Variants in ODAD4 observed in about 807,000 individuals in gnomAD.
The protein encoded by ODAD4 is outer dynein arm docking complex subunit 4, also known as outer dynein arm-docking complex subunit 4.
Under a neutral mutation model 51.8 loss-of-function variants are expected in ODAD4, and 49 were observed. The ratio of observed to expected loss-of-function variants is 0.95; its 90% confidence interval spans 0.75 to 1.20. ODAD4 has a LOEUF of 1.20. Among genes scored for constraint, ODAD4 ranks in the 50% most tolerant of loss-of-function variants. The pLI, the probability that ODAD4 is intolerant of heterozygous loss-of-function variation, is 0.00. For synonymous variants in ODAD4, 235 were observed against 221.3 expected, an observed-to-expected ratio of 1.06 and a Z score of -0.55; for missense variants, 590 against 586.5, an observed-to-expected ratio of 1.01 and a Z score of -0.06.
Position 41,939,094 on chromosome 17 carries a change from G to C in ODAD4, c.980G>C (p.Gly327Ala). The C allele has an allele frequency of 6.2e-7, 1 of 1,613,932 alleles. No homozygotes were observed. The highest frequency in any genetic ancestry group is 8.5e-7 in the Non-Finnish European group (1 of 1,179,862). The change falls in exon 7 of 12, where the codon GGG becomes GCG. Residue 327 changes from glycine (G) to alanine (A), a missense_variant. Coordinates refer to ENST00000377540, the MANE Select transcript of ODAD4 (RefSeq NM_031421.5). ...ELVGNLYSCI[G>A]NAQIELGQME... ...GTTGGAAACTTGTATAGCTGCATAG[G>C]GAATGCCCAGATTGAGCTGGGGCAG...
intron 9 of ODAD4, among the ~76,000 whole-genome samples, chr17:41,954,389 T>C (rs369586796): frequency 1.4e-4 from 21 of 152,210 alleles, no homozygotes; most frequent in East Asian, 9.6e-4. Flanking sequence ...CCAGCACTAA[T>C]TGGCACGGAG....
At chr17:41,948,297 C>A (rs1003335338) in intron 8 of ODAD4, among the ~76,000 whole-genome samples, 3 of 146,690 alleles carry the variant, frequency 2.0e-5, no homozygotes, top group East Asian at 2.0e-4. Context: ...CTCATATATT[C>A]TTAGTAATTT....
chr17:41,962,704 C>G (rs550497163), intron 11 of ODAD4, among the ~76,000 whole-genome samples: 1 of 152,204 alleles, frequency 6.6e-6, no homozygotes, highest in South Asian at 2.1e-4. Context: ...CTAGAACCCA[C>G]GCGTCGGCCC....
intron 10 of ODAD4, among the ~76,000 whole-genome samples, chr17:41,961,149 A>G (rs1225717354): frequency 1.3e-5 from 2 of 152,216 alleles, no homozygotes; most frequent in African/African-American, 4.8e-5. Flanking sequence ...TAAGCCAAAG[A>G]GAAATGCATT....
chr17:41,941,596 T>C (rs1555638698), intron 7 of ODAD4, among the ~76,000 whole-genome samples: 1 of 152,020 alleles, frequency 6.6e-6, no homozygotes, highest in Non-Finnish European at 1.5e-5. Flanking sequence ...ACCCCATCTC[T>C]ACTAAAAATA....
intron 8 of ODAD4, among the ~76,000 whole-genome samples, chr17:41,945,766 T>G (rs2050577038): frequency 6.6e-6 from 1 of 152,078 alleles, no homozygotes; most frequent in South Asian, 2.1e-4. Flanking sequence ...CCGAACACGT[T>G]GGCACGTGCC....
Position 41,961,448 on chromosome 17 carries a change from A to T in ODAD4, c.1510A>T (p.Lys504Ter). The T allele has an allele frequency of 8.2e-6, 6 of 731,250 alleles. No individual in the cohort carries two copies. Among genetic ancestry groups the T allele is most frequent in the Non-Finnish European group, 1.3e-5 (5 of 392,414 alleles). 45.3% of individuals were successfully genotyped at this position (731,250 alleles called of 1,614,324 possible). ...GAAAACCAACTACGTGGAGAATCTC[A>T]AAGAAAAAAGCGAGGGAGGTGAGTT... The part of the protein sequence containing the change: ...LRKTNYVENL[K>*]EKSEGEASLY... The change falls in exon 11 of 12, where the codon AAA (lysine) becomes TAA (stop). Residue 504 changes from lysine (K) to a stop codon, truncating the protein, a stop_gained. Transcript: ENST00000377540. LOFTEE classifies it low-confidence loss of function (END_TRUNC).
intron 7 of ODAD4, among the ~76,000 whole-genome samples, chr17:41,942,786 G>A (rs907782826): frequency 6.6e-6 from 1 of 152,216 alleles, no homozygotes; most frequent in Non-Finnish European, 1.5e-5. Context: ...GGCAGTGGGA[G>A]GTCTGGATGC....
intron 7 of ODAD4, among the ~76,000 whole-genome samples, chr17:41,941,092 T>C (rs1436455067): frequency 3.3e-5 from 5 of 152,206 alleles, no homozygotes; most frequent in African/African-American, 1.2e-4. Flanking sequence ...CCCTCACTGT[T>C]CATGCCCAGC....
chr17:41,935,790 C>T, intron 3 of ODAD4, 41 bp downstream of exon 3: 1 of 1,608,940 alleles, frequency 6.2e-7, no homozygotes, highest in Non-Finnish European at 8.5e-7. Context: ...CAGGAAGGTC[C>T]TTGGAATCCT....
At chr17:41,954,776 G>C (rs113458657) in intron 9 of ODAD4, among the ~76,000 whole-genome samples, 2 of 151,528 alleles carry the variant, frequency 1.3e-5, no homozygotes, top group African/African-American at 2.4e-5. Context: ...CTTGAACCTG[G>C]GAGGCAGAGG....
chr17:41,939,029 G>C lies in ODAD4; in HGVS notation c.915G>C (p.Leu305=), dbSNP rs782406936. 6.2e-7 allele frequency: 1 copy of C among 1,613,488 alleles called. No homozygotes were observed. Among genetic ancestry groups the C allele is most frequent in the Admixed American group, 1.7e-5 (1 of 59,930 alleles). The part of the protein sequence containing the change: ...QKAEKVLKKV[L]EWNKEEVPNK... The stretch of plus-strand genomic sequence containing the variant: ...CTGAGAAAGTGCTGAAGAAGGTACT[G>C]GAATGGAACAAGGAAGAGGTACCCA... Residue 305 remains leucine (L), a synonymous_variant, in exon 7 of 12, where the codon CTG becomes CTC. Transcript: ENST00000377540.
intron 7 of ODAD4, among the ~76,000 whole-genome samples, chr17:41,944,420 ACACACACACACACACACACACACACCC>A (rs782641991): frequency 0.052 from 805 of 15,546 alleles, 16 homozygotes; most frequent in East Asian, 0.36. Flanking sequence ...ACACACACAC[ACACACACACACACACACACACACACCC>A]CCCCGCATAC....
chr17:41,951,033 T>A (rs1487958494), intron 9 of ODAD4, among the ~76,000 whole-genome samples: 2 of 150,838 alleles, frequency 1.3e-5, no homozygotes, highest in Non-Finnish European at 2.9e-5. Context: ...TTCAGAGTGA[T>A]GGAAATGTTC....
At chr17:41,943,172 C>T (rs1468061856) in intron 7 of ODAD4, among the ~76,000 whole-genome samples, 1 of 152,186 alleles carries the variant, frequency 6.6e-6, no homozygotes, top group African/African-American at 2.4e-5. Context: ...TGTCCTCTGG[C>T]TCCTTTTCAA....
At chr17:41,936,598 G>A in intron 4 of ODAD4, 64 bp downstream of exon 4, 1 of 1,531,342 alleles carries the variant, frequency 6.5e-7, no homozygotes, top group Non-Finnish European at 9.0e-7. Flanking sequence ...CCTGAGAAGG[G>A]GTCTTGGGAG....
chr17:41,932,009 T>C (rs1241937909), intron 1 of ODAD4, among the ~76,000 whole-genome samples: 4 of 151,958 alleles, frequency 2.6e-5, no homozygotes, highest in African/African-American at 9.7e-5. Context: ...CACTGCAACC[T>C]CCACCTCCTG....
intron 8 of ODAD4, among the ~76,000 whole-genome samples, chr17:41,947,049 C>T (rs1338597177): frequency 1.3e-5 from 2 of 151,570 alleles, no homozygotes; most frequent in Admixed American, 1.3e-4. Context: ...GGGGTTTCCC[C>T]GCGTTGGTCA....
In ODAD4 at chr17:41,965,654, C is replaced by G; in HGVS notation, c.*171C>G. On this transcript the variant is annotated 3_prime_UTR_variant, in exon 12 of 12. Transcript: ENST00000377540. ...TAGGTGTCTTTCACTCTTGCAAACC[C>G]TGAGTCTGTCACTTTGCCTCTTCAC... 1 of 579,832 alleles carries G rather than the reference C, an allele frequency of 1.7e-6. No homozygotes were observed. The highest frequency in any genetic ancestry group is 2.2e-5 in the South Asian group (1 of 46,378). 35.9% of individuals were successfully genotyped at this position (579,832 alleles called of 1,614,324 possible). A position where few individuals can be genotyped will look rare whatever the true frequency, so the allele number is the denominator to read the frequency against.
Sources: allele counts gnomAD v4.1 joint callset (sites outside exome capture counted in the v4.1 genomes callset), GRCh38; gene constraint gnomAD v4.1.1; transcripts MANE v1.5; gene names NCBI Gene and HGNC (gene_info 2026-07-23, HGNC 2026-07-21).